The following GRB10 variants were observed in gnomAD, a reference collection of about 807,000 sequenced individuals.
The protein encoded by GRB10 is growth factor receptor bound protein 10, also known as growth factor receptor-bound protein 10.
In GRB10, 20 loss-of-function variants were observed where a neutral mutation model predicts 80.9. The ratio of observed to expected loss-of-function variants is 0.25; its 90% confidence interval spans 0.17 to 0.36. GRB10 has a LOEUF of 0.36. GRB10 is among the 10% of genes least tolerant of loss of function. The pLI is 1.00. For synonymous variants in GRB10, 291 were observed against 291.5 expected (o/e 1.00, Z 0.02); for missense variants, 548 against 747.7 (o/e 0.73, Z 3.12).
At position 50,743,261 on chromosome 7, in the gene GRB10, A is replaced by AT. The variant is rs545236474; in HGVS notation, c.-46-10894dup. On this transcript the variant is annotated intron_variant, in intron 3 of 18. Transcript: ENST00000401949. ...ACCATAGGTATGAGGATGACCTTTGATTTTTTATTCTCAGCAGTTTGAAAA... is the reference window on the plus strand; with the variant it reads ...ACCATAGGTATGAGGATGACCTTTGATTTTTTTATTCTCAGCAGTTTGAAAA... Among the ~76,000 whole-genome samples, 13 of 152,180 alleles carry AT rather than the reference A, an allele frequency of 8.5e-5. 1 individual carries two copies. The highest frequency in any genetic ancestry group is 2.4e-4 in the African/African-American group (10 of 41,444).
intron 2 of GRB10, among the ~76,000 whole-genome samples, chr7:50,776,239 G>A (rs1057285430): frequency 6.6e-6 from 1 of 151,984 alleles, no homozygotes; most frequent in Non-Finnish European, 1.5e-5. Context: ...TTGGAAACAG[G>A]GTCTCATTCT....
intron 4 of GRB10, among the ~76,000 whole-genome samples, chr7:50,729,690 C>T (rs1260960204): frequency 1.3e-5 from 2 of 152,134 alleles, no homozygotes; most frequent in African/African-American, 4.8e-5. Context: ...TTAAAAATGG[C>T]AGACAATGAG....
At chr7:50,706,450 T>C (rs1294553834) in intron 4 of GRB10, among the ~76,000 whole-genome samples, 1 of 152,224 alleles carries the variant, frequency 6.6e-6, no homozygotes, top group Non-Finnish European at 1.5e-5. Flanking sequence ...GTGCACTTTT[T>C]TAAGATTCTA....
At chr7:50,763,803 C>A (rs1290695098) in intron 2 of GRB10, among the ~76,000 whole-genome samples, 1 of 152,350 alleles carries the variant, frequency 6.6e-6, no homozygotes, top group Admixed American at 6.5e-5. Context: ...CAACTCCAGG[C>A]CTCTGCCCCT....
At position 50,690,005 on chromosome 7, in the gene GRB10, A is replaced by G. The variant is rs944212047; in HGVS notation, c.139+13816T>C. On this transcript the variant is annotated intron_variant, in intron 5 of 18. Transcript: ENST00000401949. The stretch of plus-strand genomic sequence containing the variant: ...AATTGTGGTTAAAAAGGAAAAAAAA[A>G]AAAAGAAAAGGCTGGGCGCGGTGGC... Among the ~76,000 whole-genome samples the G allele has an allele frequency of 5.3e-5, 8 of 151,994 alleles. No homozygotes were observed. The East Asian group carries it at 1.2e-3, about 22-fold the overall frequency.
intron 5 of GRB10, among the ~76,000 whole-genome samples, chr7:50,687,656 T>A (rs1033739334): frequency 6.6e-6 from 1 of 152,236 alleles, no homozygotes; most frequent in African/African-American, 2.4e-5. Flanking sequence ...TGCTTCCGCA[T>A]GGTGTCTACA....
At chr7:50,628,170 C>G (rs932278717) in intron 7 of GRB10, among the ~76,000 whole-genome samples, 40 of 152,240 alleles carry the variant, frequency 2.6e-4, no homozygotes, top group Admixed American at 2.6e-3. Flanking sequence ...AGCTGAGAGG[C>G]TGAAACACGT....
intron 7 of GRB10, among the ~76,000 whole-genome samples, chr7:50,647,719 T>A (rs1035516961): frequency 2.0e-5 from 3 of 152,144 alleles, no homozygotes; most frequent in African/African-American, 7.2e-5. Context: ...CGGCAGAAAC[T>A]GGGGACCAGC....
At chr7:50,692,789 T>C (rs1277317087) in intron 5 of GRB10, among the ~76,000 whole-genome samples, 1 of 152,122 alleles carries the variant, frequency 6.6e-6, no homozygotes, top group African/African-American at 2.4e-5. Flanking sequence ...AAATACAATA[T>C]ATAAAATAAT....
chr7:50,623,956 G>C lies in GRB10; in HGVS notation c.661+2866C>G, dbSNP rs147892146. On this transcript the variant is annotated intron_variant, in intron 8 of 18. Transcript: ENST00000401949. ...AGTACTCAAAACATTTCAGATTTTA[G>C]AGCATTTCAGATTTCAGATTTTTGG... Among the ~76,000 whole-genome samples, 18 of 152,232 alleles carry C rather than the reference G, an allele frequency of 1.2e-4. No homozygotes were observed. The East Asian group carries it at 2.9e-3, about 24-fold the overall frequency.
Position 50,619,120 on chromosome 7 carries a change from T to C in GRB10, c.777+50A>G, listed in dbSNP as rs376692279. Reference sequence around the variant, plus strand: ...GATACTATGAAACCCAAGTATAAACTTCAAGATTTCAAGAGTCCCAAACCC... The same window carrying C: ...GATACTATGAAACCCAAGTATAAACCTCAAGATTTCAAGAGTCCCAAACCC... On this transcript the variant is annotated intron_variant, in intron 9 of 18. Transcript: ENST00000401949. 34 of 1,083,990 alleles carry C rather than the reference T, an allele frequency of 3.1e-5. No homozygotes were observed. In the African/African-American group the frequency reaches 4.9e-4, roughly 16 times the overall value. The allele number at this position is 1,083,990 out of a possible 1,614,324, so 67.1% of individuals were successfully genotyped here.
chr7:50,625,939 G>C (rs2052796441), intron 8 of GRB10, among the ~76,000 whole-genome samples: 1 of 152,086 alleles, frequency 6.6e-6, no homozygotes, highest in African/African-American at 2.4e-5. Flanking sequence ...TTTCAAAAAA[G>C]GTTCATGAGA....
chr7:50,691,676 G>C (rs1323707395), intron 5 of GRB10, among the ~76,000 whole-genome samples: 1 of 152,170 alleles, frequency 6.6e-6, no homozygotes, highest in African/African-American at 2.4e-5. Flanking sequence ...GGTGTGGCAT[G>C]ACTCCATTTC....
intron 2 of GRB10, among the ~76,000 whole-genome samples, chr7:50,769,321 G>A (rs2076724739): frequency 6.6e-6 from 1 of 152,168 alleles, no homozygotes; most frequent in South Asian, 2.1e-4. Context: ...ATGCTAAGTA[G>A]TCAGGAATCT....
intron 7 of GRB10, among the ~76,000 whole-genome samples, chr7:50,641,666 C>T (rs2056295530): frequency 6.6e-6 from 1 of 152,180 alleles, no homozygotes; most frequent in Non-Finnish European, 1.5e-5. Context: ...GAGTTCCAGA[C>T]ACACAGACAA....
At chr7:50,722,067 A>G (rs190759040) in intron 4 of GRB10, among the ~76,000 whole-genome samples, 1 of 152,238 alleles carries the variant, frequency 6.6e-6, no homozygotes, top group African/African-American at 2.4e-5. Flanking sequence ...CCCGGTCACT[A>G]TGCTACCTCC....
chr7:50,736,774 T>C (rs1040996685), intron 3 of GRB10, among the ~76,000 whole-genome samples: 2 of 152,200 alleles, frequency 1.3e-5, no homozygotes, highest in African/African-American at 4.8e-5. Flanking sequence ...ACAGTGAGAC[T>C]GTTTCAAAAA....
intron 7 of GRB10, among the ~76,000 whole-genome samples, chr7:50,635,585 T>G (rs2108348): frequency 0.53 from 79,855 of 151,470 alleles, 21,150 homozygotes; most frequent in Admixed American, 0.54. Flanking sequence ...CCACAAAGGA[T>G]CAATGAAATC....
chr7:50,596,788 GTAT>G (rs1208629300), intron 17 of GRB10, among the ~76,000 whole-genome samples: 3 of 152,170 alleles, frequency 2.0e-5, no homozygotes, highest in Non-Finnish European at 4.4e-5. Flanking sequence ...GGCGAAGTGT[GTAT>G]AGTTCATCCT....
Sources: gnomAD v4.1 joint callset for allele counts (sites outside exome capture counted in the v4.1 genomes callset) on GRCh38, gnomAD v4.1.1 for gene constraint, MANE v1.5 for transcripts, NCBI Gene and HGNC (gene_info 2026-07-23, HGNC 2026-07-21) for gene names.